Variants in CELF2 observed in about 807,000 individuals in gnomAD.
CELF2 encodes CUGBP Elav-like family member 2, also known as CUG triplet repeat RNA-binding protein 2.
A neutral mutation model predicts 62.6 loss-of-function variants in CELF2; 8 were observed. The ratio of observed to expected loss-of-function variants is 0.13; its 90% CI spans 0.07 to 0.23. The LOEUF (loss-of-function observed/expected upper bound fraction) is 0.23. Ranked by LOEUF, CELF2 falls within the 10% of genes least tolerant of loss-of-function variation. CELF2 has a pLI of 1.00. For missense variants in CELF2, 333 were observed against 671.0 expected (o/e 0.50, Z 5.56); for synonymous variants, 258 against 250.0 (o/e 1.03, Z -0.30).
chr10:10,465,410 T>C, the CELF2 span, among the ~76,000 whole-genome samples: 1 of 152,156 alleles, frequency 6.6e-6, no homozygotes, highest in Non-Finnish European at 1.5e-5. Context: ...AGAAAAGTTG[T>C]AACTTTATTT....
the CELF2 span, among the ~76,000 whole-genome samples, chr10:10,608,919 T>C: frequency 1.3e-5 from 2 of 152,148 alleles, no homozygotes; most frequent in Non-Finnish European, 2.9e-5. Context: ...AGGCTTAGTA[T>C]TGGAAAGTAT....
rs1450930218 is a variant in CELF2 at position 10,995,509 on chromosome 10, A to G, written c.89+75510A>G. Among the ~76,000 whole-genome samples the G allele has an allele frequency of 6.6e-6, 1 of 152,194 alleles. No individual in the cohort carries two copies. Among genetic ancestry groups the G allele is most frequent in the Non-Finnish European group, 1.5e-5 (1 of 68,030 alleles). On this transcript the variant is annotated intron_variant, in intron 2 of 13. Transcript: ENST00000636488. The surrounding 1 kb of genome is among the most constrained non-coding windows in gnomAD (Gnocchi z 4.7). ...GCATGAACGAAAGCACAGACACAAGAGAAATTGTGTATTTGAGGAATTGGA... is the reference window on the plus strand; with the variant it reads ...GCATGAACGAAAGCACAGACACAAGGGAAATTGTGTATTTGAGGAATTGGA...
chr10:11,293,450 C>T (rs2092776870), intron 9 of CELF2, among the ~76,000 whole-genome samples: 2 of 152,208 alleles, frequency 1.3e-5, no homozygotes, highest in Non-Finnish European at 2.9e-5. Context: ...TTGATCACTT[C>T]CACATCGTAT....
chr10:10,840,914 C>A (rs1417260048), intron 1 of CELF2, among the ~76,000 whole-genome samples: 2 of 152,088 alleles, frequency 1.3e-5, no homozygotes, highest in East Asian at 3.9e-4. Flanking sequence ...ATTGTTCAAC[C>A]CCCACTTATG....
the CELF2 span, among the ~76,000 whole-genome samples, chr10:10,586,661 C>T: frequency 6.6e-6 from 1 of 152,102 alleles, no homozygotes; most frequent in Admixed American, 6.6e-5. Flanking sequence ...AACCTGGGCA[C>T]ACCACGTAAT....
chr10:11,087,232 C>T (rs2047065847), intron 1 of CELF2, among the ~76,000 whole-genome samples: 1 of 152,146 alleles, frequency 6.6e-6, no homozygotes, highest in South Asian at 2.1e-4. Flanking sequence ...CATATACCGG[C>T]TCCCAAACTG....
At chr10:10,687,873 G>A in the CELF2 span, among the ~76,000 whole-genome samples, 1 of 152,210 alleles carries the variant, frequency 6.6e-6, no homozygotes, top group Non-Finnish European at 1.5e-5. Context: ...AGAACAGCCA[G>A]AATGTCTGGG....
the CELF2 span, among the ~76,000 whole-genome samples, chr10:10,647,125 GC>G: frequency 6.6e-6 from 1 of 152,124 alleles, no homozygotes; most frequent in Non-Finnish European, 1.5e-5. Context: ...TAACTGCTCT[GC>G]CTTACATAAC....
intron 1 of CELF2, among the ~76,000 whole-genome samples, chr10:10,824,268 C>A (rs1475308442): frequency 6.6e-6 from 1 of 152,148 alleles, no homozygotes; most frequent in Non-Finnish European, 1.5e-5. Flanking sequence ...GCCAGCCATA[C>A]CCAAGAATGT....
chr10:10,570,593 C>T, the CELF2 span, among the ~76,000 whole-genome samples: 4 of 151,726 alleles, frequency 2.6e-5, no homozygotes, highest in Non-Finnish European at 5.9e-5. Context: ...GTAATTAAAA[C>T]TAAATTACTA....
At chr10:10,736,705 T>C in the CELF2 span, among the ~76,000 whole-genome samples, 70 of 152,238 alleles carry the variant, frequency 4.6e-4, no homozygotes, top group African/African-American at 1.6e-3. Flanking sequence ...AGCTAATGTT[T>C]TTAGCTTTCC....
intron 2 of CELF2, among the ~76,000 whole-genome samples, chr10:11,213,597 T>TTA (rs2062503808): frequency 6.6e-6 from 1 of 152,244 alleles, no homozygotes; most frequent in Non-Finnish European, 1.5e-5. Context: ...GGTAATCTAA[T>TTA]ATTTTACAGG....
In CELF2 at chr10:10,949,885, G is replaced by T. The variant is rs890850155; in HGVS notation, c.89+29886G>T. Among the ~76,000 whole-genome samples, 4 of 150,260 alleles carry T rather than the reference G, an allele frequency of 2.7e-5. 1 individual carries two copies. In the East Asian group the frequency reaches 7.8e-4, roughly 29 times the overall value. On this transcript the variant is annotated intron_variant, in intron 2 of 13. Coordinates refer to the CELF2 transcript ENST00000636488. ...ATTCAAACTCACTTTACATGACTTG[G>T]ATCAGTTTTGGCTGAAAACCCTTAT...
In CELF2 at chr10:11,285,322, C is replaced by T. The variant is rs11257046; in HGVS notation, c.842-3096C>T. 0.33 allele frequency among the ~76,000 whole-genome samples: 50,300 copies of T among 151,994 alleles called. 8,981 individuals are homozygous for T. The highest frequency in any genetic ancestry group is 0.64 in the East Asian group (3,313 of 5,176). On this transcript the variant is annotated intron_variant, in intron 8 of 12. Coordinates refer to ENST00000633077, the MANE Select transcript of CELF2 (RefSeq NM_001326342.2). The surrounding 1 kb of genome is among the most constrained non-coding windows in gnomAD (Gnocchi z 4.3). ...TGACTCATAGTTTTTCCTTTCCTTG[C>T]AGTCTGGCTGTTGAGCAGTGTTAGC...
the CELF2 span, among the ~76,000 whole-genome samples, chr10:10,501,985 G>C: frequency 1.3e-5 from 2 of 151,950 alleles, no homozygotes; most frequent in African/African-American, 2.4e-5. Context: ...ATAAGTGATG[G>C]GCAAATGCTT....
At position 11,285,829 on chromosome 10, in the gene CELF2, G is replaced by A. The variant is rs888572922; in HGVS notation, c.842-2589G>A. Among the ~76,000 whole-genome samples the A allele has an allele frequency of 7.4e-5, 1 of 13,466 alleles. No homozygotes were observed. The highest frequency in any genetic ancestry group is 2.3e-4 in the African/African-American group (1 of 4,296). The allele number at this position is 13,466 out of a possible 152,430, so 8.8% of individuals were successfully genotyped here. A position where few individuals can be genotyped will look rare whatever the true frequency, so the allele number is the denominator to read the frequency against. ...CTCATCACCTACTATATATATTGGT[G>A]TGTGTGTGTGTGTGTGTGTGTGTGT... is the stretch of plus-strand genomic sequence containing the variant. On this transcript the variant is annotated intron_variant, in intron 8 of 12. Transcript: ENST00000633077. The surrounding 1 kb of genome is among the most constrained non-coding windows in gnomAD (Gnocchi z 4.3).
At chr10:10,864,519 G>C (rs902176325) in intron 1 of CELF2, among the ~76,000 whole-genome samples, 1 of 152,118 alleles carries the variant, frequency 6.6e-6, no homozygotes, top group Non-Finnish European at 1.5e-5. Context: ...CAAGATCAAG[G>C]TACCTGTTGA....
the CELF2 span, among the ~76,000 whole-genome samples, chr10:10,729,824 G>A: frequency 6.6e-6 from 1 of 151,902 alleles, no homozygotes; most frequent in Non-Finnish European, 1.5e-5. Context: ...CTAGCATGTA[G>A]CACTGTAACT....
chr10:10,946,332 A>T (rs1208905249), intron 2 of CELF2: 1 of 152,422 alleles, frequency 6.6e-6, no homozygotes, highest in East Asian at 1.9e-4. Flanking sequence ...CGTGATACTC[A>T]TTAAGGGTGT....
Sources: allele counts gnomAD v4.1 joint callset (sites outside exome capture counted in the v4.1 genomes callset), GRCh38; gene constraint gnomAD v4.1.1; non-coding constraint Gnocchi (gnomAD v3.1); transcripts MANE v1.5; gene names NCBI Gene and HGNC (gene_info 2026-07-23, HGNC 2026-07-21).